FAS: variants seen among roughly 807,000 people sequenced by gnomAD.
The protein encoded by FAS is Fas cell surface death receptor, also known as tumor necrosis factor receptor superfamily member 6.
A neutral mutation model predicts 33.2 loss-of-function variants in FAS; 5 were observed. The ratio of observed to expected loss-of-function variants is 0.15; its 90% CI spans 0.08 to 0.32. The LOEUF (loss-of-function observed/expected upper bound fraction) is 0.32. Ranked by LOEUF, FAS falls within the 10% of genes least tolerant of loss-of-function variation. The probability of loss-of-function intolerance (pLI) is 1.00; values close to 1 mark genes in which losing one functional copy is unlikely to be tolerated. For synonymous variants in FAS, 131 were observed against 130.7 expected, an observed-to-expected ratio of 1.00 and a Z score of -0.01; for missense variants, 339 against 386.0, an observed-to-expected ratio of 0.88 and a Z score of 1.02.
At chr10:88,997,088 A>G (rs9658700) in intron 1 of FAS, among the ~76,000 whole-genome samples, 30 of 152,258 alleles carry the variant, frequency 2.0e-4, no homozygotes, top group Non-Finnish European at 3.5e-4. Context: ...CCATTAGTCT[A>G]TAAAACTCTT....
chr10:89,014,102 T>C lies in FAS; in HGVS notation c.677-17T>C. ...CATTTAGAAAAACAAATTTTCAGAC[T>C]ATTTTCTATTTTTCAGATGTTGACT... On this transcript the variant is annotated splice_polypyrimidine_tract_variant and intron_variant, in intron 8 of 8. Coordinates refer to ENST00000652046, the MANE Select transcript of FAS (RefSeq NM_000043.6). The C allele has an allele frequency of 1.2e-6, 2 of 1,611,170 alleles. No individual in the cohort carries two copies. Among genetic ancestry groups the C allele is most frequent in the Non-Finnish European group, 1.7e-6 (2 of 1,178,870 alleles).
intron 7 of FAS, among the ~76,000 whole-genome samples, chr10:89,012,987 T>C (rs1848606576): frequency 6.6e-6 from 1 of 152,208 alleles, no homozygotes; most frequent in African/African-American, 2.4e-5. Context: ...CATTTTCTGG[T>C]ATTAAGAATA....
At position 89,015,117 on chromosome 10, in the gene FAS, A is replaced by G; in HGVS notation, c.*667A>G. ...GTTTGACTATTATATATGTGTATGCATTTTACTGGCTCAAAACTACCTACT... is the reference window on the plus strand; with the variant it reads ...GTTTGACTATTATATATGTGTATGCGTTTTACTGGCTCAAAACTACCTACT... On this transcript the variant is annotated 3_prime_UTR_variant, in exon 9 of 9. Coordinates refer to ENST00000652046, the MANE Select transcript of FAS (RefSeq NM_000043.6). 1.9e-6 allele frequency: 1 copy of G among 534,864 alleles called. No homozygotes were observed. Among genetic ancestry groups the G allele is most frequent in the South Asian group, 1.5e-5 (1 of 65,174 alleles). 33.1% of individuals were successfully genotyped at this position (534,864 alleles called of 1,614,324 possible). A position where few individuals can be genotyped will look rare whatever the true frequency, so the allele number is the denominator to read the frequency against.
chr10:89,012,748 T>C (rs1326590051), intron 7 of FAS: 2 of 154,084 alleles, frequency 1.3e-5, no homozygotes, highest in Non-Finnish European at 2.9e-5. Flanking sequence ...AAGAGATTGC[T>C]CTTAAAGTTT....
rs2133527341 is a variant in FAS at position 89,010,566 on chromosome 10, C to T, written c.471C>T (p.Cys157=). The T allele has an allele frequency of 6.2e-7, 1 of 1,613,790 alleles. No individual in the cohort carries two copies. The highest frequency in any genetic ancestry group is 8.5e-7 in the Non-Finnish European group (1 of 1,179,868). ...TKCEHGIIKE[C]TLTSNTKCKE... is the part of the protein sequence containing the mutation. ...GTGAACATGGAATCATCAAGGAATGCACACTCACCAGCAACACCAAGTGCA... is the reference window on the plus strand; with the variant it reads ...GTGAACATGGAATCATCAAGGAATGTACACTCACCAGCAACACCAAGTGCA... The change falls in exon 5 of 9, where the codon TGC becomes TGT. Residue 157 remains cysteine, a synonymous_variant. Coordinates refer to ENST00000652046, the MANE Select transcript of FAS (RefSeq NM_000043.6).
chr10:89,000,509 T>C (rs1002311331), intron 1 of FAS, among the ~76,000 whole-genome samples: 5 of 152,238 alleles, frequency 3.3e-5, no homozygotes, highest in Non-Finnish European at 5.9e-5. Context: ...AAAATAGTCT[T>C]ATCAACTAGA....
At chr10:88,983,886 C>T (rs1425484868), upstream of FAS, among the ~76,000 whole-genome samples, 1 of 152,136 alleles carries the variant, frequency 6.6e-6, no homozygotes, top group Non-Finnish European at 1.5e-5. Flanking sequence ...AGTGTCTTTC[C>T]TCAGTGCAAA....
chr10:89,011,020 G>C (rs1820831208), intron 6 of FAS: 1 of 634,642 alleles, frequency 1.6e-6, no homozygotes, highest in Admixed American at 2.6e-5. Context: ...ACAGTTTTGG[G>C]GCATTGAGTG....
chr10:88,967,092 C>A (rs1383628345), intron 1 of FAS, among the ~76,000 whole-genome samples: 1 of 152,168 alleles, frequency 6.6e-6, no homozygotes, highest in Non-Finnish European at 1.5e-5. Context: ...CAGGAAGAGA[C>A]CCTCGAGATA....
upstream of FAS, among the ~76,000 whole-genome samples, chr10:88,988,186 TAAG>T (rs1731888598): frequency 1.3e-5 from 2 of 152,130 alleles, no homozygotes; most frequent in African/African-American, 4.8e-5. Context: ...ATCAAATAGT[TAAG>T]AAGAGGGGAG....
chr10:88,994,144 C>T (rs1306412793), intron 1 of FAS, among the ~76,000 whole-genome samples: 3 of 152,180 alleles, frequency 2.0e-5, no homozygotes, highest in Admixed American at 6.5e-5. Context: ...TCTGAATACT[C>T]TTATACTGAC....
At chr10:88,989,616 GA>G (rs1245612406), upstream of FAS, 1 of 533,536 alleles carries the variant, frequency 1.9e-6, no homozygotes, top group Non-Finnish European at 3.7e-6. Flanking sequence ...CAGGGTGATG[GA>G]AAGCCCTCAG....
At chr10:89,011,210 C>T (rs1342482935) in intron 6 of FAS, among the ~76,000 whole-genome samples, 2 of 152,242 alleles carry the variant, frequency 1.3e-5, no homozygotes, top group African/African-American at 2.4e-5. Context: ...TCACTGCCTC[C>T]TCTTCCTCGG....
chr10:88,990,564 T>C (rs1451045804), upstream of FAS: 2 of 645,732 alleles, frequency 3.1e-6, no homozygotes, highest in Admixed American at 4.2e-5. This position sits in a 1 kb window ranked among gnomAD's most constrained non-coding sequence, Gnocchi z 4.9. Context: ...GCTGAATCAA[T>C]GGAGCCCTCC....
At chr10:88,971,078 T>C (rs1158634883) in intron 1 of FAS, among the ~76,000 whole-genome samples, 1 of 152,198 alleles carries the variant, frequency 6.6e-6, no homozygotes, top group Non-Finnish European at 1.5e-5. Context: ...ATAATAGACA[T>C]TTTCCCGAAT....
chr10:89,010,830 T>C lies in FAS; in HGVS notation c.568+15T>C, dbSNP rs1481393250. The C allele has an allele frequency of 6.2e-7, 1 of 1,613,894 alleles. No homozygotes were observed. The highest frequency in any genetic ancestry group is 2.2e-5 in the East Asian group (1 of 44,866). On this transcript the variant is annotated intron_variant, in intron 6 of 8. Coordinates refer to ENST00000652046, the MANE Select transcript of FAS (RefSeq NM_000043.6). Reference sequence around the variant, plus strand: ...AATTGTTTGGGGTAAGTTCTTGCTTTGTTCAAACTGCAGATTGAAATAACT... The same window carrying C: ...AATTGTTTGGGGTAAGTTCTTGCTTCGTTCAAACTGCAGATTGAAATAACT...
At chr10:89,012,685 C>T (rs573302294) in intron 7 of FAS, 1 of 155,418 alleles carries the variant, frequency 6.4e-6, no homozygotes, top group East Asian at 1.9e-4. Context: ...TGTTGTTATC[C>T]CTGCAGAGAA....
intron 2 of FAS, among the ~76,000 whole-genome samples, chr10:89,005,798 G>A (rs1024044912): frequency 3.9e-5 from 6 of 151,914 alleles, no homozygotes; most frequent in African/African-American, 4.8e-5. Context: ...CCACAACACC[G>A]GGATAATTTT....
intron 1 of FAS, among the ~76,000 whole-genome samples, chr10:88,970,893 G>GTATA (rs201282542): frequency 5.2e-4 from 79 of 151,760 alleles, no homozygotes; most frequent in African/African-American, 1.5e-3. Context: ...GTGTGTGTGT[G>GTATA]TGTGTATATA....
Sources: gnomAD v4.1 joint callset for allele counts (sites outside exome capture counted in the v4.1 genomes callset) on GRCh38, gnomAD v4.1.1 for gene constraint, Gnocchi (gnomAD v3.1) non-coding constraint, MANE v1.5 for transcripts, NCBI Gene and HGNC (gene_info 2026-07-23, HGNC 2026-07-21) for gene names.